NALCN: variants seen among roughly 807,000 people sequenced by gnomAD.
NALCN encodes sodium leak channel, non-selective, also known as sodium leak channel NALCN.
A neutral mutation model predicts 225.3 loss-of-function variants in NALCN; 111 were observed. That is an observed-to-expected ratio of 0.49 (90% CI 0.42 to 0.58). The LOEUF is 0.58. Among genes scored for constraint, NALCN ranks in the 20% least tolerant of loss-of-function variants. The pLI is 0.00. For missense variants in NALCN, 1,378 were observed against 2,202.4 expected, an observed-to-expected ratio of 0.63 and a Z score of 7.49; for synonymous variants, 764 against 769.0, an observed-to-expected ratio of 0.99 and a Z score of 0.11.
At chr13:101,278,937 G>A (rs191845177) in intron 10 of NALCN, among the ~76,000 whole-genome samples, 51 of 152,254 alleles carry the variant, frequency 3.3e-4, no homozygotes, top group Non-Finnish European at 6.0e-4. Context: ...TAAGCGAGAG[G>A]TCAAATAAGT....
At position 101,062,667 on chromosome 13, in the gene NALCN, G is replaced by A. The variant is rs184036178; in HGVS notation, c.4605-549C>T. Among the ~76,000 whole-genome samples the A allele has an allele frequency of 4.6e-3, 693 of 152,168 alleles. 4 individuals are homozygous for A. Among genetic ancestry groups the A allele is most frequent in the Non-Finnish European group, 8.2e-3 (557 of 68,002 alleles). Reference sequence around the variant, plus strand: ...TGACCAGGCTGGAGTGTAATGGCGTGCTGTCAGCTCACTGCAACCTCCGCC... The same window carrying A: ...TGACCAGGCTGGAGTGTAATGGCGTACTGTCAGCTCACTGCAACCTCCGCC... On this transcript the variant is annotated intron_variant, in intron 40 of 43. Transcript: ENST00000251127.
At chr13:101,338,219 C>A (rs564914343) in intron 7 of NALCN, among the ~76,000 whole-genome samples, 4 of 152,248 alleles carry the variant, frequency 2.6e-5, no homozygotes, top group Non-Finnish European at 5.9e-5. Flanking sequence ...GTGTTAAGGG[C>A]ATATGTTGTA....
intron 12 of NALCN, among the ~76,000 whole-genome samples, 197 bp downstream of exon 12, chr13:101,237,558 A>G (rs1275582798): frequency 1.3e-5 from 2 of 151,798 alleles, no homozygotes; most frequent in Non-Finnish European, 2.9e-5. Context: ...AGTTTTAAAA[A>G]GCGATTGTTA....
intron 15 of NALCN, among the ~76,000 whole-genome samples, chr13:101,176,053 T>C (rs551632699): frequency 7.9e-5 from 12 of 152,338 alleles, no homozygotes; most frequent in African/African-American, 2.6e-4. Flanking sequence ...TCCAATTAAC[T>C]ATACTCTGCC....
intron 6 of NALCN, among the ~76,000 whole-genome samples, chr13:101,348,546 G>C (rs1471841969): frequency 2.0e-5 from 3 of 152,072 alleles, no homozygotes; most frequent in Non-Finnish European, 4.4e-5. Flanking sequence ...TAGATAATGT[G>C]CAACACTCAG....
At chr13:101,140,863 A>C (rs1206186575) in intron 17 of NALCN, among the ~76,000 whole-genome samples, 1 of 152,180 alleles carries the variant, frequency 6.6e-6, no homozygotes, top group Non-Finnish European at 1.5e-5. Flanking sequence ...GTTCAAGGCT[A>C]TAGTGCACTA....
rs905836110 is a variant in NALCN at position 101,242,968 on chromosome 13, T to C, written c.1267-5046A>G. On this transcript the variant is annotated intron_variant, in intron 11 of 43. Transcript: ENST00000251127. ...TTTTCAGGTTTAGGTTCAGCCTGTT[T>C]AGGGGCTGAACAAGGTTACTTCTTT... Among the ~76,000 whole-genome samples the C allele has an allele frequency of 3.8e-5, 4 of 105,322 alleles. 1 individual carries two copies. The highest frequency in any genetic ancestry group is 8.5e-5 in the Non-Finnish European group (4 of 47,224). The allele number at this position is 105,322 out of a possible 152,430, so 69.1% of individuals were successfully genotyped here. A position where few individuals can be genotyped will look rare whatever the true frequency, so the allele number is the denominator to read the frequency against.
intron 13 of NALCN, among the ~76,000 whole-genome samples, chr13:101,203,517 C>A (rs1338019520): frequency 6.6e-6 from 1 of 152,094 alleles, no homozygotes; most frequent in African/African-American, 2.4e-5. Context: ...GTGCCCGGCC[C>A]AGAATTCCTG....
intron 7 of NALCN, among the ~76,000 whole-genome samples, chr13:101,313,719 T>C (rs897332970): frequency 6.6e-6 from 1 of 152,150 alleles, no homozygotes; most frequent in Non-Finnish European, 1.5e-5. Flanking sequence ...GGTAGGACTA[T>C]AAACTAGTTC....
At chr13:101,225,625 G>A (rs2140121524) in intron 13 of NALCN, among the ~76,000 whole-genome samples, 1 of 152,236 alleles carries the variant, frequency 6.6e-6, no homozygotes, top group African/African-American at 2.4e-5. Context: ...AAATAGACTG[G>A]GATTAGATCT....
chr13:101,126,257 T>C (rs1051547095), intron 17 of NALCN, among the ~76,000 whole-genome samples: 20 of 152,198 alleles, frequency 1.3e-4, no homozygotes, highest in Non-Finnish European at 2.9e-5. Context: ...TACTGGTGAT[T>C]TCCCCCTCAT....
At chr13:101,175,289 T>C (rs758913888) in intron 15 of NALCN, among the ~76,000 whole-genome samples, 22 of 151,722 alleles carry the variant, frequency 1.5e-4, no homozygotes, top group Admixed American at 1.3e-3. Context: ...ATACCCTCTG[T>C]TAAAAGCATA....
rs1280157094 is a variant in NALCN, at chr13:101,144,460, C to T, written c.1976+300G>A. Among the ~76,000 whole-genome samples, 7 of 152,322 alleles carry T rather than the reference C, an allele frequency of 4.6e-5. No individual in the cohort carries two copies. The South Asian group carries it at 6.2e-4, about 14-fold the overall frequency. On this transcript the variant is annotated intron_variant, in intron 16 of 43. Transcript: ENST00000251127. ...ATCCCTGCAACACTGAGCAGCTTCT[C>T]CAGTTTCCTGGGATGTCCCATTCCC...
chr13:101,111,976 C>G (rs771603796), intron 18 of NALCN, among the ~76,000 whole-genome samples: 2 of 152,070 alleles, frequency 1.3e-5, no homozygotes, highest in Non-Finnish European at 2.9e-5. Flanking sequence ...GATTTGTCCA[C>G]TCAGGCTCCT....
intron 10 of NALCN, among the ~76,000 whole-genome samples, chr13:101,274,471 G>A (rs2042909495): frequency 6.6e-6 from 1 of 152,220 alleles, no homozygotes; most frequent in Non-Finnish European, 1.5e-5. Context: ...AAAACAGATC[G>A]TATTAGTACC....
chr13:101,180,643 C>T (rs559705324), intron 14 of NALCN: 4 of 173,918 alleles, frequency 2.3e-5, no homozygotes, highest in East Asian at 1.4e-4. Flanking sequence ...GCCTCTCCAC[C>T]GAGAACTCTC....
intron 13 of NALCN, among the ~76,000 whole-genome samples, chr13:101,213,956 G>T (rs2040623602): frequency 6.6e-6 from 1 of 152,080 alleles, no homozygotes; most frequent in East Asian, 1.9e-4. Context: ...TATACCCAAA[G>T]GATTATAAAT....
intron 37 of NALCN, 150 bp downstream of exon 37, chr13:101,073,434 T>C (rs547767601): frequency 1.7e-6 from 1 of 590,278 alleles, no homozygotes; most frequent in Non-Finnish European, 2.8e-6. Context: ...TTGGAATGTA[T>C]AATAATGCAA....
rs1224357777 is a variant in NALCN at position 101,090,057 on chromosome 13, GAT to G, written c.3270-93_3270-92del. 1.8e-5 allele frequency: 28 copies of G among 1,574,884 alleles called. 1 individual carries two copies. The African/African-American group carries it at 2.4e-4, about 14-fold the overall frequency. ...TAGCCCTTTCCAGTCATGAGTGTGG[GAT>G]ATGTGTGTGTGTGTGTATATACACA... is the stretch of plus-strand genomic sequence containing the variant. On this transcript the variant is annotated intron_variant, in intron 28 of 43. Transcript: ENST00000251127.
Sources: gnomAD v4.1 joint callset for allele counts (sites outside exome capture counted in the v4.1 genomes callset) on GRCh38, gnomAD v4.1.1 for gene constraint, MANE v1.5 for transcripts, NCBI Gene and HGNC (gene_info 2026-07-23, HGNC 2026-07-21) for gene names.